The following RIC3 variants were observed in gnomAD, a reference collection of about 807,000 sequenced individuals.
The protein encoded by RIC3 is protein RIC-3.
Under a neutral mutation model 27.3 loss-of-function variants are expected in RIC3, and 28 were observed. The observed-to-expected ratio is 1.02, with a 90% CI of 0.76 to 1.41. RIC3 has a LOEUF of 1.41. Among genes scored for constraint, RIC3 ranks in the 40% most tolerant of loss-of-function variants. RIC3 has a pLI of 0.00. For missense variants in RIC3, 501 were observed against 444.7 expected, an observed-to-expected ratio of 1.13 and a Z score of -1.14; for synonymous variants, 184 against 160.4, an observed-to-expected ratio of 1.15 and a Z score of -1.11.
chr11:8,101,991 TG>T, downstream of RIC3: 1 of 241,226 alleles, frequency 4.1e-6, no homozygotes, highest in Non-Finnish European at 8.1e-6. Context: ...AGGGCTGCTG[TG>T]GCCCAGTCGT....
At chr11:8,101,694 C>T, downstream of RIC3, 13 of 1,568,710 alleles carry the variant, frequency 8.3e-6, no homozygotes, top group Non-Finnish European at 1.0e-5. Context: ...ACAGCCCTGC[C>T]TATCCTCTGT....
At chr11:8,148,837 G>C (rs193224021) in intron 1 of RIC3, among the ~76,000 whole-genome samples, 251 of 151,958 alleles carry the variant, frequency 1.7e-3, no homozygotes, top group Admixed American at 2.9e-3. Flanking sequence ...CTTTTTACTA[G>C]ATAAACTAAA....
chr11:8,100,699 G>GGA, the RIC3 span: 20 of 1,520,132 alleles, frequency 1.3e-5, no homozygotes, highest in Middle Eastern at 1.7e-4. Flanking sequence ...ATGTGGAGGG[G>GGA]TACCATGTGA....
In RIC3 at chr11:8,168,769, G is replaced by C. The variant is rs1951993737; in HGVS notation, c.124+97C>G. ...TCCAGTCAGTTTGGTGGATATTTCG[G>C]TGAAGGCTGCAGACTCTCAGAGTCA... is the stretch of plus-strand genomic sequence containing the variant. On this transcript the variant is annotated intron_variant, in intron 1 of 5. Coordinates refer to ENST00000309737, the MANE Select transcript of RIC3 (RefSeq NM_001206671.4). 6 of 1,479,204 alleles carry C rather than the reference G, an allele frequency of 4.1e-6. No individual in the cohort carries two copies. In the Admixed American group the frequency reaches 1.4e-4, roughly 34 times the overall value. The allele number at this position is 1,479,204 out of a possible 1,614,324, so 91.6% of individuals were successfully genotyped here.
chr11:8,160,927 A>G (rs1951105529), intron 1 of RIC3, among the ~76,000 whole-genome samples: 1 of 152,226 alleles, frequency 6.6e-6, no homozygotes, highest in Admixed American at 6.5e-5. Flanking sequence ...CTGTAAACCA[A>G]AAAGTATCTG....
In RIC3 at chr11:8,137,366, A is replaced by C. The variant is rs761947915; in HGVS notation, c.521+12T>G. 45 of 1,608,392 alleles carry C rather than the reference A, an allele frequency of 2.8e-5. No homozygotes were observed. The highest frequency in any genetic ancestry group is 3.7e-5 in the Non-Finnish European group (43 of 1,175,136). ...TGAGAAATAGTCTGAGTCCCGTTACATGAAAACCTACCTCTCACCATTAGG... is the reference window on the plus strand; with the variant it reads ...TGAGAAATAGTCTGAGTCCCGTTACCTGAAAACCTACCTCTCACCATTAGG... On this transcript the variant is annotated intron_variant, in intron 4 of 5. Transcript: ENST00000309737.
At chr11:8,137,621 A>T in intron 3 of RIC3, 150 bp from the exon 4 acceptor site, 1 of 529,726 alleles carries the variant, frequency 1.9e-6, no homozygotes, top group Non-Finnish European at 3.3e-6. Flanking sequence ...GGATTCTGTG[A>T]ATATTTAAGA....
intron 1 of RIC3, among the ~76,000 whole-genome samples, chr11:8,140,974 C>A (rs1340326492): frequency 6.7e-6 from 1 of 149,130 alleles, no homozygotes; most frequent in Non-Finnish European, 1.5e-5. Context: ...TACAGACAAG[C>A]AAATGCTGAG....
At chr11:8,143,460 C>T (rs1447446877) in intron 1 of RIC3, among the ~76,000 whole-genome samples, 1 of 150,790 alleles carries the variant, frequency 6.6e-6, no homozygotes, top group African/African-American at 2.4e-5. Context: ...ACCTAGGAAT[C>T]CAACTTACAA....
chr11:8,118,527 TAAAAAAAAAAAAAA>T (rs11378233), intron 5 of RIC3, among the ~76,000 whole-genome samples: 7 of 66,686 alleles, frequency 1.0e-4, no homozygotes, highest in African/African-American at 3.5e-4. Context: ...GCCATAATTG[TAAAAAAAAAAAAAA>T]AAAAAAAAAA....
At chr11:8,153,915 C>A (rs67381251) in intron 1 of RIC3, among the ~76,000 whole-genome samples, 3 of 152,082 alleles carry the variant, frequency 2.0e-5, no homozygotes, top group Non-Finnish European at 4.4e-5. Context: ...ACACTTAAGA[C>A]GGTAGGCAAC....
downstream of RIC3, chr11:8,102,031 G>T: frequency 5.0e-6 from 1 of 199,152 alleles, no homozygotes; most frequent in Non-Finnish European, 1.0e-5. Context: ...AGATGGCAAT[G>T]GGTACTCCAG....
At chr11:8,133,464 C>A (rs551850396) in intron 4 of RIC3, among the ~76,000 whole-genome samples, 1 of 152,118 alleles carries the variant, frequency 6.6e-6, no homozygotes, top group Non-Finnish European at 1.5e-5. Flanking sequence ...CATCTGAGAA[C>A]TAAAAAATGA....
chr11:8,139,622 C>A, intron 2 of RIC3: 1 of 229,554 alleles, frequency 4.4e-6, no homozygotes, highest in South Asian at 1.2e-4. Flanking sequence ...CCTTTTCGGC[C>A]TGTAAAGATG....
the RIC3 span, chr11:8,100,436 T>TC: frequency 6.4e-4 from 803 of 1,261,928 alleles, 3 homozygotes; most frequent in African/African-American, 7.3e-3. Context: ...TTTATTCCCG[T>TC]CCCCCCCACC....
At chr11:8,153,240 T>C (rs1306960669) in intron 1 of RIC3, 1 of 295,830 alleles carries the variant, frequency 3.4e-6, no homozygotes, top group Non-Finnish European at 6.6e-6. Context: ...GTTCACATAT[T>C]TACTGCTGAG....
chr11:8,104,510 T>G (rs1171571459), downstream of RIC3: 1 of 152,262 alleles, frequency 6.6e-6, no homozygotes, highest in African/African-American at 2.4e-5. Flanking sequence ...TGTGATTATA[T>G]TCCTGAGAAT....
intron 5 of RIC3, among the ~76,000 whole-genome samples, chr11:8,122,937 C>T (rs1247143726): frequency 6.7e-6 from 1 of 148,656 alleles, no homozygotes; most frequent in Non-Finnish European, 1.5e-5. Flanking sequence ...AGAAACATTC[C>T]CAGAAATGGC....
At chr11:8,162,659 T>TTTTTTTTC (rs1951290106) in intron 1 of RIC3, among the ~76,000 whole-genome samples, 1 of 145,226 alleles carries the variant, frequency 6.9e-6, no homozygotes, top group Non-Finnish European at 1.5e-5. Flanking sequence ...TTTTTTTCTT[T>TTTTTTTTC]TTTTGAGACA....
Sources: allele counts gnomAD v4.1 joint callset (sites outside exome capture counted in the v4.1 genomes callset), GRCh38; gene constraint gnomAD v4.1.1; transcripts MANE v1.5; gene names NCBI Gene and HGNC (gene_info 2026-07-23, HGNC 2026-07-21).